The following PRKCZ variants were observed in gnomAD, a reference collection of about 807,000 sequenced individuals.
PRKCZ encodes the protein protein kinase C zeta type.
In PRKCZ, 33 loss-of-function variants were observed where a neutral mutation model predicts 79.5. That is an observed-to-expected ratio of 0.41 (90% CI 0.31 to 0.55). PRKCZ has a LOEUF of 0.55. Ranked by LOEUF, PRKCZ falls within the 20% of genes least tolerant of loss-of-function variation. The pLI is 0.19. For synonymous variants in PRKCZ, 342 were observed against 320.9 expected (o/e 1.07, Z -0.70); for missense variants, 578 against 813.5 (o/e 0.71, Z 3.52).
intron 4 of PRKCZ, among the ~76,000 whole-genome samples, chr1:2,060,572 G>C (rs1327252141): frequency 6.6e-6 from 1 of 152,214 alleles, no homozygotes; most frequent in East Asian, 1.9e-4. Context: ...GGCCCCAGGA[G>C]CCATGGGATT....
chr1:2,151,058 T>A, intron 9 of PRKCZ, 80 bp downstream of exon 9: 1 of 1,499,738 alleles, frequency 6.7e-7, no homozygotes, highest in Non-Finnish European at 9.0e-7. Flanking sequence ...GCGGAATTAA[T>A]CCATGCACGA....
At position 2,165,037 on chromosome 1, in the gene PRKCZ, A is replaced by G. The variant is rs575186246; in HGVS notation, c.975-4481A>G. Among the ~76,000 whole-genome samples, 1 of 152,188 alleles carries G rather than the reference A, an allele frequency of 6.6e-6. No individual in the cohort carries two copies. The highest frequency in any genetic ancestry group is 1.5e-5 in the Non-Finnish European group (1 of 68,024). ...GTGAGCCCCATTGTCGCTGGGACAC[A>G]CTGCCCTCCAGTGCTCGAGTGCATT... On this transcript the variant is annotated intron_variant, in intron 10 of 17. Transcript: ENST00000378567. The surrounding 1 kb of genome is among the most constrained non-coding windows in gnomAD (Gnocchi z 4.1).
intron 10 of PRKCZ, among the ~76,000 whole-genome samples, chr1:2,161,819 G>A (rs1316638306): frequency 6.6e-6 from 1 of 152,092 alleles, no homozygotes. Flanking sequence ...GATGAGCAGG[G>A]ATAGGGGTGG....
rs1176232080 is a variant in PRKCZ at position 2,144,238 on chromosome 1, G to A, written c.449G>A (p.Arg150Lys). The A allele has an allele frequency of 6.4e-6, 10 of 1,553,506 alleles. No homozygotes were observed. The highest frequency in any genetic ancestry group is 8.7e-6 in the Non-Finnish European group (10 of 1,147,716). ...GCGTACTGCGGTCAGTGCAGCGAGA[G>A]GATATGGGGCCTCGCGAGGCAAGGC... The part of the protein sequence containing the change: ...RRAYCGQCSE[R>K]IWGLARQGYR... The change falls in exon 6 of 18, where the codon AGG becomes AAG. Residue 150 changes from arginine to lysine, a missense_variant. Coordinates refer to ENST00000378567, the MANE Select transcript of PRKCZ (RefSeq NM_002744.6).
At chr1:2,083,616 G>A (rs548966556) in intron 4 of PRKCZ, among the ~76,000 whole-genome samples, 5 of 152,300 alleles carry the variant, frequency 3.3e-5, no homozygotes, top group East Asian at 1.9e-4. Context: ...CTGCCTCTGC[G>A]TTCAGGCTGC....
At chr1:2,183,625 T>C (rs1687075844) in intron 16 of PRKCZ, 1 of 152,432 alleles carries the variant, frequency 6.6e-6, no homozygotes, top group African/African-American at 2.4e-5. Flanking sequence ...GCTGTGGAGG[T>C]TGGGAGTCCA....
At chr1:2,073,943 A>G in intron 4 of PRKCZ, 1 of 1,356,950 alleles carries the variant, frequency 7.4e-7, no homozygotes, top group Non-Finnish European at 9.5e-7. Context: ...AGTCGGGGGC[A>G]TCTCCCCCGT....
intron 10 of PRKCZ, among the ~76,000 whole-genome samples, chr1:2,158,211 C>G (rs959121883): frequency 5.3e-5 from 8 of 152,362 alleles, no homozygotes; most frequent in Middle Eastern, 6.8e-3. Flanking sequence ...CCACCCTCCC[C>G]ACCTGACCCC....
intron 4 of PRKCZ, among the ~76,000 whole-genome samples, chr1:2,108,770 T>C (rs983065237): frequency 3.9e-5 from 6 of 152,204 alleles, no homozygotes; most frequent in Admixed American, 1.3e-4. Context: ...TGGATGAACT[T>C]CCTGCGGCCG....
At chr1:2,111,399 T>G (rs1265927633) in intron 4 of PRKCZ, among the ~76,000 whole-genome samples, 1 of 146,192 alleles carries the variant, frequency 6.8e-6, no homozygotes, top group Non-Finnish European at 1.5e-5. Flanking sequence ...CGAGAAGTGA[T>G]GGGCAGGATG....
chr1:2,056,611 C>T, intron 3 of PRKCZ, 38 bp downstream of exon 3: 2 of 1,554,044 alleles, frequency 1.3e-6, no homozygotes, highest in Non-Finnish European at 1.8e-6. Flanking sequence ...CTCTGGGGGG[C>T]TGTTCCTGGC....
chr1:2,102,292 C>T lies in PRKCZ; in HGVS notation c.335-32970C>T, dbSNP rs1031024924. On this transcript the variant is annotated intron_variant, in intron 4 of 17. Transcript: ENST00000378567. ...AGGGTCTCGTGTGGGCTTTGTGAAG[C>T]CTAGTACACGTTTTTTATTGCGTTT... is the stretch of plus-strand genomic sequence containing the variant. 5.3e-5 allele frequency among the ~76,000 whole-genome samples: 8 copies of T among 150,908 alleles called. No homozygotes were observed. In the Admixed American group the frequency reaches 5.3e-4, roughly 10 times the overall value.
At chr1:2,129,740 G>A (rs1486631884) in intron 4 of PRKCZ, among the ~76,000 whole-genome samples, 1 of 152,112 alleles carries the variant, frequency 6.6e-6, no homozygotes, top group Non-Finnish European at 1.5e-5. Flanking sequence ...CTGGAGTTGA[G>A]GTTCTAGCAC....
In PRKCZ at chr1:2,082,635, A is replaced by T. The variant is rs973706758; in HGVS notation, c.334+23044A>T. 6.6e-6 allele frequency among the ~76,000 whole-genome samples: 1 copy of T among 152,126 alleles called. No homozygotes were observed. Among genetic ancestry groups the T allele is most frequent in the African/African-American group, 2.4e-5 (1 of 41,416 alleles). On this transcript the variant is annotated intron_variant, in intron 4 of 17. Transcript: ENST00000378567. The surrounding 1 kb of genome is among the most constrained non-coding windows in gnomAD (Gnocchi z 4.4). ...TCAGGCTGCCGAAGTGGAGGGGTTC[A>T]GTGAAGGTGGAGTTGGGCAAGGGCG... is the stretch of plus-strand genomic sequence containing the variant.
At position 2,178,457 on chromosome 1, in the gene PRKCZ, C is replaced by T. The variant is rs1343803186; in HGVS notation, c.1575+3144C>T. On this transcript the variant is annotated intron_variant, in intron 16 of 17. Transcript: ENST00000378567. The surrounding 1 kb of genome is among the most constrained non-coding windows in gnomAD (Gnocchi z 4.3). ...CTCAGTGGACATAGGGTGGCCTCCA[C>T]TTTCTGGCCATTGTGAATTGTGCTG... Among the ~76,000 whole-genome samples the T allele has an allele frequency of 6.6e-6, 1 of 152,248 alleles. No homozygotes were observed. Among genetic ancestry groups the T allele is most frequent in the Non-Finnish European group, 1.5e-5 (1 of 68,036 alleles).
At chr1:2,160,581 G>T (rs1682047911) in intron 10 of PRKCZ, among the ~76,000 whole-genome samples, 1 of 152,208 alleles carries the variant, frequency 6.6e-6, no homozygotes. Context: ...CTGGGATGCG[G>T]AGGCCCCAGG....
At chr1:2,097,234 C>T (rs1444934341) in intron 4 of PRKCZ, among the ~76,000 whole-genome samples, 1 of 152,152 alleles carries the variant, frequency 6.6e-6, no homozygotes, top group East Asian at 1.9e-4. Context: ...GGGTTCTGCC[C>T]TCTTGCTGTC....
At chr1:2,170,309 T>TG (rs1684172876) in intron 11 of PRKCZ, among the ~76,000 whole-genome samples, 4 of 152,206 alleles carry the variant, frequency 2.6e-5, no homozygotes, top group Admixed American at 2.6e-4. Flanking sequence ...CAGGACCGTT[T>TG]GGGGGCTTAT....
intron 4 of PRKCZ, among the ~76,000 whole-genome samples, chr1:2,113,510 C>G (rs1163894133): frequency 6.6e-6 from 1 of 152,178 alleles, no homozygotes; most frequent in Non-Finnish European, 1.5e-5. Context: ...GGAAGTGGCA[C>G]AGAGGCAGCA....
Sources: gnomAD v4.1 joint callset for allele counts (sites outside exome capture counted in the v4.1 genomes callset) on GRCh38, gnomAD v4.1.1 for gene constraint, Gnocchi (gnomAD v3.1) non-coding constraint, MANE v1.5 for transcripts, NCBI Gene and HGNC (gene_info 2026-07-23, HGNC 2026-07-21) for gene names.